The following GLIS1 variants were observed in gnomAD, a reference collection of about 807,000 sequenced individuals.
GLIS1 encodes the protein GLIS family zinc finger 1, also known as zinc finger protein GLIS1.
Under a neutral mutation model 63.8 loss-of-function variants are expected in GLIS1, and 24 were observed. The observed-to-expected ratio is 0.38, with a 90% confidence interval of 0.27 to 0.53. The LOEUF (loss-of-function observed/expected upper bound fraction) is 0.53, where lower values mean the gene tolerates loss of function less well. Ranked by LOEUF, GLIS1 falls within the 20% of genes least tolerant of loss-of-function variation. The pLI is 0.85. For synonymous variants in GLIS1, 450 were observed against 482.5 expected (o/e 0.93, Z 0.88); for missense variants, 1,036 against 1,074.1 (o/e 0.96, Z 0.50).
intron 2 of GLIS1, among the ~76,000 whole-genome samples, chr1:53,685,383 G>A (rs935248763): frequency 3.9e-5 from 6 of 152,160 alleles, no homozygotes; most frequent in African/African-American, 9.7e-5. Flanking sequence ...TGCCGGGCGC[G>A]ATCTGTTATT....
chr1:53,522,977 C>CTTTCT (rs1340041548), intron 6 of GLIS1, among the ~76,000 whole-genome samples: 10 of 40,286 alleles, frequency 2.5e-4, no homozygotes, highest in African/African-American at 1.4e-3. Flanking sequence ...TTTTTCTTTT[C>CTTTCT]TTTTCTTTCT....
chr1:53,713,085 A>G (rs185099244), intron 2 of GLIS1, among the ~76,000 whole-genome samples: 62 of 152,400 alleles, frequency 4.1e-4, no homozygotes, highest in African/African-American at 1.5e-3. Flanking sequence ...AGAAGAGGTG[A>G]CAAAGTATAA....
chr1:53,630,327 ACTGT>A (rs1189225233), intron 2 of GLIS1, among the ~76,000 whole-genome samples: 1 of 152,108 alleles, frequency 6.6e-6, no homozygotes, highest in South Asian at 2.1e-4. Context: ...CATATAAATC[ACTGT>A]CTGTCTCTCC....
intron 2 of GLIS1, among the ~76,000 whole-genome samples, chr1:53,684,586 C>T (rs1328326963): frequency 1.3e-5 from 2 of 152,132 alleles, no homozygotes; most frequent in Non-Finnish European, 2.9e-5. Flanking sequence ...CCCTCCAGTA[C>T]CTCCTGAAGC....
At chr1:53,686,042 C>T (rs570008660) in intron 2 of GLIS1, among the ~76,000 whole-genome samples, 7 of 152,320 alleles carry the variant, frequency 4.6e-5, no homozygotes, top group African/African-American at 1.4e-4. Context: ...CACCAGGCTG[C>T]TCACTGGCCC....
At chr1:53,568,223 G>C (rs919751255) in intron 4 of GLIS1, among the ~76,000 whole-genome samples, 1 of 152,222 alleles carries the variant, frequency 6.6e-6, no homozygotes, top group African/African-American at 2.4e-5. Flanking sequence ...TTATTTCAGA[G>C]CTTTAAGATT....
chr1:53,585,141 C>T (rs1325406977), intron 4 of GLIS1, among the ~76,000 whole-genome samples: 2 of 152,130 alleles, frequency 1.3e-5, no homozygotes, highest in African/African-American at 4.8e-5. Context: ...ACTTGGCCAG[C>T]CCTCCTGTTC....
intron 4 of GLIS1, among the ~76,000 whole-genome samples, chr1:53,556,084 G>A (rs1432658878): frequency 6.8e-6 from 1 of 146,298 alleles, no homozygotes; most frequent in Non-Finnish European, 1.5e-5. Context: ...GTTTGTGTGT[G>A]CAGGTGTACT....
chr1:53,507,128 G>A (rs1160942840), intron 10 of GLIS1, among the ~76,000 whole-genome samples: 1 of 152,112 alleles, frequency 6.6e-6, no homozygotes, highest in African/African-American at 2.4e-5. Context: ...CTCAGGGGCT[G>A]GTCCCCTCCT....
rs552252567 is a variant in GLIS1, at chr1:53,615,800, TG to T, written c.260-15523del. The stretch of plus-strand genomic sequence containing the variant: ...TCTTGCTCTGTTACCCAGGCTGGAG[TG>T]GGATGGCACCATCTCGGCTCACTGC... On this transcript the variant is annotated intron_variant, in intron 2 of 10. Transcript: ENST00000628545. Among the ~76,000 whole-genome samples the T allele has an allele frequency of 2.8e-4, 42 of 152,036 alleles. No homozygotes were observed. In the South Asian group the frequency reaches 7.9e-3, roughly 29 times the overall value.
chr1:53,516,903 G>C (rs1021195768), intron 7 of GLIS1, among the ~76,000 whole-genome samples: 1 of 152,026 alleles, frequency 6.6e-6, no homozygotes, highest in African/African-American at 2.4e-5. Context: ...TCCTGGCCTG[G>C]AGTTAAAGCT....
rs149409132 is a variant in GLIS1 at position 53,673,327 on chromosome 1, G to A, written c.259+64479C>T. 3.6e-4 allele frequency among the ~76,000 whole-genome samples: 55 copies of A among 152,380 alleles called. 1 individual carries two copies. In the East Asian group the frequency reaches 7.3e-3, roughly 20 times the overall value. ...GGGGCGACTTGGCCAGGGAAACTCA[G>A]CCCCAGATACACAGGAAAAACAAAA... On this transcript the variant is annotated intron_variant, in intron 2 of 10. Coordinates refer to ENST00000628545, the MANE Select transcript of GLIS1 (RefSeq NM_001367484.1).
At chr1:53,508,224 G>A (rs1644256991) in intron 10 of GLIS1, among the ~76,000 whole-genome samples, 1 of 152,228 alleles carries the variant, frequency 6.6e-6, no homozygotes, top group African/African-American at 2.4e-5. Context: ...ATGCTGCCCA[G>A]AGCCACCTGT....
chr1:53,587,260 C>T (rs1451551698), intron 4 of GLIS1, among the ~76,000 whole-genome samples: 1 of 152,186 alleles, frequency 6.6e-6, no homozygotes, highest in East Asian at 1.9e-4. Flanking sequence ...GGTGCCTGCT[C>T]TCTGGGCTTC....
intron 2 of GLIS1, among the ~76,000 whole-genome samples, chr1:53,653,954 C>T (rs566515814): frequency 6.6e-6 from 1 of 152,310 alleles, no homozygotes; most frequent in African/African-American, 2.4e-5. Flanking sequence ...GCCACAGGAC[C>T]GGCAGGTTAG....
intron 2 of GLIS1, among the ~76,000 whole-genome samples, chr1:53,687,155 G>A (rs765649893): frequency 4.6e-5 from 7 of 152,330 alleles, no homozygotes; most frequent in East Asian, 1.9e-4. Flanking sequence ...TGAGGCAAAC[G>A]AGAGAATCAC....
chr1:53,563,650 A>G (rs1385973846), intron 4 of GLIS1, among the ~76,000 whole-genome samples: 1 of 152,224 alleles, frequency 6.6e-6, no homozygotes, highest in Non-Finnish European at 1.5e-5. Context: ...TCTCAAAAAG[A>G]AGACAGCATA....
intron 5 of GLIS1, among the ~76,000 whole-genome samples, chr1:53,528,795 C>A (rs937540404): frequency 6.6e-6 from 1 of 152,110 alleles, no homozygotes; most frequent in Non-Finnish European, 1.5e-5. Flanking sequence ...GGCAGCCACC[C>A]AAATCCCCCA....
At chr1:53,641,747 A>C (rs931074433) in intron 2 of GLIS1, among the ~76,000 whole-genome samples, 1 of 152,150 alleles carries the variant, frequency 6.6e-6, no homozygotes, top group Non-Finnish European at 1.5e-5. Context: ...GTTTCTTAAC[A>C]CGCCTTCCTG....
Sources: gnomAD v4.1 joint callset for allele counts (sites outside exome capture counted in the v4.1 genomes callset) on GRCh38, gnomAD v4.1.1 for gene constraint, MANE v1.5 for transcripts, NCBI Gene and HGNC (gene_info 2026-07-23, HGNC 2026-07-21) for gene names.